RAB22A: variants seen among roughly 807,000 people sequenced by gnomAD.
RAB22A encodes RAB22A, member RAS oncogene family.
A neutral mutation model predicts 30.2 loss-of-function variants in RAB22A; 13 were observed. The observed-to-expected ratio is 0.43, with a 90% CI of 0.28 to 0.68. The LOEUF is 0.68. Ranked by LOEUF, RAB22A falls within the 30% of genes least tolerant of loss-of-function variation. RAB22A has a pLI of 0.18. For synonymous variants in RAB22A, 89 were observed against 87.2 expected (o/e 1.02, Z -0.11); for missense variants, 177 against 246.8 (o/e 0.72, Z 1.89).
chr20:58,349,450 C>A (rs1987007734), intron 3 of RAB22A, among the ~76,000 whole-genome samples: 1 of 152,224 alleles, frequency 6.6e-6, no homozygotes, highest in South Asian at 2.1e-4. Context: ...CCCCTAAAAT[C>A]TGTTTATAAA....
At chr20:58,358,968 T>G (rs1987179086) in intron 6 of RAB22A, among the ~76,000 whole-genome samples, 1 of 150,144 alleles carries the variant, frequency 6.7e-6, no homozygotes, top group Non-Finnish European at 1.5e-5. Flanking sequence ...ATGTGTTGAG[T>G]GAAAGTATCA....
chr20:58,347,911 C>T (rs540683161), intron 3 of RAB22A, among the ~76,000 whole-genome samples: 4 of 152,220 alleles, frequency 2.6e-5, no homozygotes, highest in African/African-American at 9.6e-5. Flanking sequence ...AAATACTTGC[C>T]ATCTGTGTGT....
At chr20:58,330,519 T>C (rs1321671239) in intron 2 of RAB22A, among the ~76,000 whole-genome samples, 1 of 152,182 alleles carries the variant, frequency 6.6e-6, no homozygotes, top group Non-Finnish European at 1.5e-5. Context: ...TACTGGACAC[T>C]GCAGAAGATA....
In RAB22A at chr20:58,324,946, C is replaced by T. The variant is rs185771597; in HGVS notation, c.116+13824C>T. ...ATCCCAGCACTTTGGGAGGCCAAGGCGGGCAGATCACGAGGGTCAGGAGAT... is the reference window on the plus strand; with the variant it reads ...ATCCCAGCACTTTGGGAGGCCAAGGTGGGCAGATCACGAGGGTCAGGAGAT... On this transcript the variant is annotated intron_variant, in intron 2 of 6. Transcript: ENST00000244040. 9.3e-3 allele frequency among the ~76,000 whole-genome samples: 922 copies of T among 99,060 alleles called. 65 individuals carry two copies. Among genetic ancestry groups the T allele is most frequent in the African/African-American group, 0.044 (777 of 17,770 alleles). 65.0% of individuals were successfully genotyped at this position (99,060 alleles called of 152,430 possible). A position where few individuals can be genotyped will look rare whatever the true frequency, so the allele number is the denominator to read the frequency against.
intron 3 of RAB22A, 126 bp downstream of exon 3, chr20:58,343,925 C>A (rs771855033): frequency 2.5e-6 from 2 of 795,130 alleles, no homozygotes; most frequent in Non-Finnish European, 4.1e-6. Context: ...CATTTATTTC[C>A]ATTTGCGTAG....
intron 2 of RAB22A, among the ~76,000 whole-genome samples, chr20:58,317,597 C>T (rs1299513556): frequency 7.3e-5 from 10 of 136,244 alleles, no homozygotes; most frequent in Admixed American, 1.6e-4. Context: ...CTCGCTCTGT[C>T]GCCCAGGCTG....
chr20:58,323,361 C>T (rs373398059), intron 2 of RAB22A, among the ~76,000 whole-genome samples: 1 of 151,882 alleles, frequency 6.6e-6, no homozygotes, highest in Non-Finnish European at 1.5e-5. Flanking sequence ...ATTTATAGAG[C>T]TTATCTCTAT....
chr20:58,347,333 G>A (rs1325861507), intron 3 of RAB22A, among the ~76,000 whole-genome samples: 1 of 152,184 alleles, frequency 6.6e-6, no homozygotes, highest in Non-Finnish European at 1.5e-5. Flanking sequence ...AATGTCCTGT[G>A]AAGCCCTTGA....
In RAB22A at chr20:58,361,725, A is replaced by G. The variant is rs1253548140; in HGVS notation, c.*2022A>G. On this transcript the variant is annotated 3_prime_UTR_variant, in exon 7 of 7. Coordinates refer to ENST00000244040, the MANE Select transcript of RAB22A (RefSeq NM_020673.3). ...AATAAAAACAGAGGTTGCTTGACTC[A>G]TTACCAAAGAGGCAAAGCATGTGCG... 6.6e-6 allele frequency: 1 copy of G among 152,226 alleles called. No homozygotes were observed. The highest frequency in any genetic ancestry group is 2.4e-5 in the African/African-American group (1 of 41,456). 9.4% of individuals were successfully genotyped at this position (152,226 alleles called of 1,614,324 possible).
intron 1 of RAB22A, 139 bp from the exon 2 acceptor site, chr20:58,310,904 C>T (rs1986212057): frequency 1.4e-6 from 1 of 696,166 alleles, no homozygotes; most frequent in South Asian, 1.8e-5. Flanking sequence ...TTATGACAAC[C>T]GCTTTTGTGT....
At chr20:58,319,558 T>A (rs374364352) in intron 2 of RAB22A, among the ~76,000 whole-genome samples, 10 of 152,346 alleles carry the variant, frequency 6.6e-5, no homozygotes, top group African/African-American at 2.2e-4. Context: ...TCTATATAAA[T>A]TTTAGAATCA....
chr20:58,324,959 AG>A (rs35655193), intron 2 of RAB22A, among the ~76,000 whole-genome samples: 71,898 of 135,980 alleles, frequency 0.53, 20,950 homozygotes, highest in African/African-American at 0.74. Context: ...GCAGATCACG[AG>A]GGTCAGGAGA....
intron 3 of RAB22A, among the ~76,000 whole-genome samples, chr20:58,348,376 G>T (rs1354414956): frequency 6.6e-6 from 1 of 152,202 alleles, no homozygotes; most frequent in Non-Finnish European, 1.5e-5. Flanking sequence ...TATTGTCACA[G>T]TAGTCATGTA....
intron 2 of RAB22A, among the ~76,000 whole-genome samples, chr20:58,333,238 C>T (rs2122946770): frequency 6.6e-6 from 1 of 151,550 alleles, no homozygotes; most frequent in Middle Eastern, 3.4e-3. Context: ...AAGATCATGC[C>T]ATTGCACTCC....
intron 2 of RAB22A, among the ~76,000 whole-genome samples, chr20:58,330,983 C>G (rs189937721): frequency 6.6e-6 from 1 of 152,304 alleles, no homozygotes; most frequent in Admixed American, 6.5e-5. Context: ...CTCTCTATTT[C>G]CAGCCACACT....
intron 3 of RAB22A, 75 bp from the exon 4 acceptor site, chr20:58,353,198 T>A: frequency 2.3e-6 from 3 of 1,319,226 alleles, no homozygotes; most frequent in Non-Finnish European, 2.2e-6. Flanking sequence ...GCAGGGATAA[T>A]GGGCTTATAA....
chr20:58,330,719 A>G (rs1986647819), intron 2 of RAB22A, among the ~76,000 whole-genome samples: 1 of 152,174 alleles, frequency 6.6e-6, no homozygotes, highest in Non-Finnish European at 1.5e-5. Context: ...TGCTTCTGAG[A>G]TATGGCCTAC....
rs1435066061 is a variant in RAB22A at position 58,363,680 on chromosome 20, A to G, written c.*3977A>G. The G allele has an allele frequency of 6.6e-6, 1 of 152,230 alleles. No individual in the cohort carries two copies. The highest frequency in any genetic ancestry group is 2.4e-5 in the African/African-American group (1 of 41,464). 9.4% of individuals were successfully genotyped at this position (152,230 alleles called of 1,614,324 possible). A position where few individuals can be genotyped will look rare whatever the true frequency, so the allele number is the denominator to read the frequency against. On this transcript the variant is annotated 3_prime_UTR_variant, in exon 7 of 7. Transcript: ENST00000244040. ...TCAAGAGTTTTTCTACCTCTTTAAC[A>G]GTTAATATTTTTTAAAGGAAGAAAT...
At position 58,317,556 on chromosome 20, in the gene RAB22A, C is replaced by CT. The variant is rs35819954; in HGVS notation, c.116+6454dup. On this transcript the variant is annotated intron_variant, in intron 2 of 6. Coordinates refer to ENST00000244040, the MANE Select transcript of RAB22A (RefSeq NM_020673.3). ...AACTCAATAAATGGTAGTTATTATT[C>CT]TTTTTTTTTTTTTTTTTTTTGAGAC... is the stretch of plus-strand genomic sequence containing the variant. Among the ~76,000 whole-genome samples the CT allele has an allele frequency of 5.3e-3, 657 of 124,918 alleles. 8 individuals are homozygous for CT. Among genetic ancestry groups the CT allele is most frequent in the East Asian group, 0.013 (56 of 4,368 alleles). 82.0% of individuals were successfully genotyped at this position (124,918 alleles called of 152,430 possible).
Sources: gnomAD v4.1 joint callset for allele counts (sites outside exome capture counted in the v4.1 genomes callset) on GRCh38, gnomAD v4.1.1 for gene constraint, MANE v1.5 for transcripts, NCBI Gene and HGNC (gene_info 2026-07-23, HGNC 2026-07-21) for gene names.